FAM149B1: variants seen among roughly 807,000 people sequenced by gnomAD.
FAM149B1 encodes family with sequence similarity 149 member B1, also known as primary cilium assembly protein FAM149B1.
Under a neutral mutation model 75.3 loss-of-function variants are expected in FAM149B1, and 56 were observed. The ratio of observed to expected loss-of-function variants is 0.74; its 90% CI spans 0.60 to 0.93. The LOEUF is 0.93. FAM149B1 is among the 40% of genes least tolerant of loss of function. The probability of loss-of-function intolerance (pLI) is 0.00; values close to 1 mark genes in which losing one functional copy is unlikely to be tolerated. For missense variants in FAM149B1, 639 were observed against 708.4 expected (o/e 0.90, Z 1.11); for synonymous variants, 259 against 256.1 (o/e 1.01, Z -0.11).
At chr10:73,226,283 G>C (rs2043545966) in intron 7 of FAM149B1, among the ~76,000 whole-genome samples, 1 of 152,024 alleles carries the variant, frequency 6.6e-6, no homozygotes, top group Admixed American at 6.6e-5. Flanking sequence ...GAGGCGGGTG[G>C]ATCATGAGGT....
Position 73,243,844 on chromosome 10 carries a change from T to G in FAM149B1, c.*2825T>G, listed in dbSNP as rs768354123. 6.2e-7 allele frequency: 1 copy of G among 1,612,290 alleles called. No individual in the cohort carries two copies. Among genetic ancestry groups the G allele is most frequent in the South Asian group, 1.1e-5 (1 of 90,548 alleles). On this transcript the variant is annotated 3_prime_UTR_variant, in exon 14 of 14. Coordinates refer to ENST00000242505, the MANE Select transcript of FAM149B1 (RefSeq NM_173348.2). ...GTGGCAACAAACTGCCAAGTTTACC[T>G]GAATGGCTGCCTTCAGGCTATCCAC...
intron 1 of FAM149B1, among the ~76,000 whole-genome samples, chr10:73,173,164 ATAAT>A (rs1267480073): frequency 1.3e-5 from 2 of 152,158 alleles, no homozygotes; most frequent in East Asian, 3.9e-4. Context: ...TTATTTTGAA[ATAAT>A]TATAGACTCA....
chr10:73,232,329 G>T (rs559715784), intron 9 of FAM149B1, among the ~76,000 whole-genome samples: 17 of 152,286 alleles, frequency 1.1e-4, no homozygotes, highest in African/African-American at 3.6e-4. Context: ...TTGTATTTCA[G>T]TTATTTATGC....
At chr10:73,171,097 T>G (rs1843692788) in intron 1 of FAM149B1, among the ~76,000 whole-genome samples, 2 of 152,054 alleles carry the variant, frequency 1.3e-5, no homozygotes, top group Admixed American at 1.3e-4. Context: ...GCTTCCCAAG[T>G]CACAGGACTA....
intron 5 of FAM149B1, among the ~76,000 whole-genome samples, chr10:73,205,564 G>T (rs1564698021): frequency 6.6e-6 from 1 of 151,356 alleles, no homozygotes; most frequent in Admixed American, 6.6e-5. Context: ...GTTTTTTTGG[G>T]TTTTTTTGAG....
At chr10:73,228,597 T>G (rs112257167) in intron 8 of FAM149B1, among the ~76,000 whole-genome samples, 1 of 150,334 alleles carries the variant, frequency 6.7e-6, no homozygotes, top group Admixed American at 6.6e-5. Context: ...CCTGTTTATT[T>G]TTTATTTTTT....
At chr10:73,223,063 T>G (rs2043454334) in intron 7 of FAM149B1, among the ~76,000 whole-genome samples, 1 of 152,102 alleles carries the variant, frequency 6.6e-6, no homozygotes, top group African/African-American at 2.4e-5. Flanking sequence ...GAGACTGCAG[T>G]GAGCTATGAC....
At chr10:73,209,913 G>A (rs1291995475) in intron 6 of FAM149B1, among the ~76,000 whole-genome samples, 1 of 150,858 alleles carries the variant, frequency 6.6e-6, no homozygotes. Flanking sequence ...TTTTCCCATT[G>A]TATTTCCTGC....
chr10:73,239,394 G>A lies in FAM149B1; in HGVS notation c.1675+10G>A, dbSNP rs980331166. On this transcript the variant is annotated intron_variant, in intron 13 of 13. Coordinates refer to ENST00000242505, the MANE Select transcript of FAM149B1 (RefSeq NM_173348.2). ...GGCAGGGGATCTGCAGGTAAAGGTG[G>A]GGCCATGGCCCTTATTTACTACTGT... 2 of 1,549,928 alleles carry A rather than the reference G, an allele frequency of 1.3e-6. No individual in the cohort carries two copies. The highest frequency in any genetic ancestry group is 1.7e-6 in the Non-Finnish European group (2 of 1,145,580).
In FAM149B1 at chr10:73,243,873, T is replaced by C; in HGVS notation, c.*2854T>C. On this transcript the variant is annotated 3_prime_UTR_variant, in exon 14 of 14. Transcript: ENST00000242505. ...TGGCTGCCTTCAGGCTATCCACGCC[T>C]TCATCAAGCCCCAACTCCTTTCTGC... is the stretch of plus-strand genomic sequence containing the variant. 1 of 1,614,096 alleles carries C rather than the reference T, an allele frequency of 6.2e-7. No individual in the cohort carries two copies. The highest frequency in any genetic ancestry group is 8.5e-7 in the Non-Finnish European group (1 of 1,180,018).
chr10:73,187,391 TAAAAAAAAAA>T (rs773682735), intron 3 of FAM149B1, among the ~76,000 whole-genome samples: 2 of 80,992 alleles, frequency 2.5e-5, no homozygotes, highest in Non-Finnish European at 5.3e-5. Flanking sequence ...TCCAGATTAG[TAAAAAAAAAA>T]AAAAAAAAAA....
intron 10 of FAM149B1, 93 bp downstream of exon 10, chr10:73,233,256 C>G (rs767713981): frequency 2.2e-6 from 2 of 901,222 alleles, no homozygotes; most frequent in Non-Finnish European, 3.5e-6. Context: ...AAATCTATGC[C>G]TAGAAACTAA....
At chr10:73,230,829 G>A in intron 9 of FAM149B1, 1 of 209,404 alleles carries the variant, frequency 4.8e-6, no homozygotes, top group South Asian at 1.0e-4. Context: ...GTAAGTGTAG[G>A]TTTTGAACTT....
Position 73,229,341 on chromosome 10 carries a change from A to C in FAM149B1, c.1024-1081A>C, listed in dbSNP as rs149139729. Among the ~76,000 whole-genome samples the C allele has an allele frequency of 1.2e-4, 18 of 152,262 alleles. No individual in the cohort carries two copies. The East Asian group carries it at 3.5e-3, about 29-fold the overall frequency. ...AGGTATTTAAAAAGAAAATTAGGCC[A>C]AGGTGGGTGGGTCATTTGAGGCCAG... is the stretch of plus-strand genomic sequence containing the variant. On this transcript the variant is annotated intron_variant, in intron 8 of 13. Coordinates refer to ENST00000242505, the MANE Select transcript of FAM149B1 (RefSeq NM_173348.2).
At chr10:73,231,928 A>AG in intron 9 of FAM149B1, among the ~76,000 whole-genome samples, 1 of 150,704 alleles carries the variant, frequency 6.6e-6, no homozygotes, top group Non-Finnish European at 1.5e-5. Flanking sequence ...GGTGTGTTAA[A>AG]AAAAAAAAAA....
chr10:73,190,455 C>T (rs1394514769), intron 3 of FAM149B1, among the ~76,000 whole-genome samples: 1 of 150,904 alleles, frequency 6.6e-6, no homozygotes, highest in African/African-American at 2.4e-5. Context: ...CTACAGGTGT[C>T]GGCCACCATC....
At chr10:73,239,507 A>G in intron 13 of FAM149B1, 123 bp downstream of exon 13, 1 of 664,572 alleles carries the variant, frequency 1.5e-6, no homozygotes. Context: ...GTTTTCCCAC[A>G]TCTTTGTAAA....
At chr10:73,215,695 AT>A (rs1288061299) in intron 7 of FAM149B1, among the ~76,000 whole-genome samples, 3 of 152,010 alleles carry the variant, frequency 2.0e-5, no homozygotes, top group African/African-American at 7.2e-5. Flanking sequence ...ATGCTGTTTA[AT>A]TTCCACATAT....
chr10:73,187,653 C>T (rs1436677047), intron 3 of FAM149B1, among the ~76,000 whole-genome samples: 1 of 151,892 alleles, frequency 6.6e-6, no homozygotes, highest in Non-Finnish European at 1.5e-5. Context: ...GGCTTGAACC[C>T]AGGAGGTGGA....
Sources: allele counts gnomAD v4.1 joint callset (sites outside exome capture counted in the v4.1 genomes callset), GRCh38; gene constraint gnomAD v4.1.1; transcripts MANE v1.5; gene names NCBI Gene and HGNC (gene_info 2026-07-23, HGNC 2026-07-21).